Variants in ZFHX4 observed in about 807,000 individuals in gnomAD.
ZFHX4 encodes the protein zinc finger homeobox protein 4.
In ZFHX4, 56 loss-of-function variants were observed where a neutral mutation model predicts 267.6. That is an observed-to-expected ratio of 0.21 (90% CI 0.17 to 0.26). ZFHX4 has a LOEUF of 0.26. Ranked by LOEUF, ZFHX4 falls within the 10% of genes least tolerant of loss-of-function variation. The probability of loss-of-function intolerance (pLI) is 1.00; values close to 1 mark genes in which losing one functional copy is unlikely to be tolerated. For missense variants in ZFHX4, 4,332 were observed against 4,420.0 expected (o/e 0.98, Z 0.56); for synonymous variants, 1,778 against 1,665.6 (o/e 1.07, Z -1.64).
intron 4 of ZFHX4, among the ~76,000 whole-genome samples, chr8:76,798,125 G>C (rs1363872826): frequency 6.6e-6 from 1 of 152,166 alleles, no homozygotes. Flanking sequence ...ATTCAATACA[G>C]AGGAAGGGTA....
intron 1 of ZFHX4, among the ~76,000 whole-genome samples, chr8:76,687,296 C>A (rs1245085949): frequency 1.3e-5 from 2 of 152,146 alleles, no homozygotes; most frequent in African/African-American, 2.4e-5. Flanking sequence ...GCGTTGTTTG[C>A]CTAATCCACC....
chr8:76,822,842 T>G (rs1811689538), intron 4 of ZFHX4, among the ~76,000 whole-genome samples: 2 of 152,302 alleles, frequency 1.3e-5, no homozygotes, highest in East Asian at 3.9e-4. Flanking sequence ...TCGTCCGTAC[T>G]CTATATATTC....
At chr8:76,682,569 C>G (rs1284760008) in intron 1 of ZFHX4, 1 of 152,274 alleles carries the variant, frequency 6.6e-6, no homozygotes, top group African/African-American at 2.4e-5. Context: ...GCGGCGGCTG[C>G]TTGCTCCGAA....
intron 4 of ZFHX4, among the ~76,000 whole-genome samples, chr8:76,798,825 T>TA (rs1811048074): frequency 6.6e-6 from 1 of 152,158 alleles, no homozygotes. Flanking sequence ...CTCTTTTTTT[T>TA]AAATCAAAAT....
At chr8:76,770,208 A>G (rs1810226944) in intron 3 of ZFHX4, among the ~76,000 whole-genome samples, 1 of 152,186 alleles carries the variant, frequency 6.6e-6, no homozygotes, top group African/African-American at 2.4e-5. Flanking sequence ...TCCCACAGGC[A>G]TCTCAAATTC....
chr8:76,838,283 T>A (rs1477634134), intron 5 of ZFHX4, among the ~76,000 whole-genome samples: 3 of 152,154 alleles, frequency 2.0e-5, no homozygotes, highest in Non-Finnish European at 1.5e-5. Flanking sequence ...TTATAACCTT[T>A]CAAGATGGGG....
rs1812706339 is a variant in ZFHX4, at chr8:76,855,803, T to C, written c.8882T>C (p.Met2961Thr). Residue 2961 changes from methionine to threonine, a missense_variant, in exon 10 of 11, where the codon ATG (methionine) becomes ACG (threonine). Met to Thr is a moderately conservative substitution (Grantham distance 81). Coordinates refer to ENST00000651372, the MANE Select transcript of ZFHX4 (RefSeq NM_024721.5). ...YRTPTMQECE[M>T]LGNEIGLPKR... ...ACTCCAACCATGCAAGAATGTGAAA[T>C]GTTAGGGAATGAGATTGGTCTGCCC... 1 of 1,613,798 alleles carries C rather than the reference T, an allele frequency of 6.2e-7. No homozygotes were observed. The highest frequency in any genetic ancestry group is 1.7e-5 in the Admixed American group (1 of 60,010).
At chr8:76,764,150 A>G (rs1809992365) in intron 3 of ZFHX4, among the ~76,000 whole-genome samples, 1 of 152,204 alleles carries the variant, frequency 6.6e-6, no homozygotes, top group Admixed American at 6.5e-5. Flanking sequence ...ACAAAGAACT[A>G]TGAAAATAAT....
chr8:76,774,327 G>A (rs182323737), intron 3 of ZFHX4, among the ~76,000 whole-genome samples: 1 of 152,212 alleles, frequency 6.6e-6, no homozygotes, highest in Non-Finnish European at 1.5e-5. Context: ...GCTTTGCCCA[G>A]GTTTGTGAAT....
intron 6 of ZFHX4, among the ~76,000 whole-genome samples, chr8:76,847,263 A>G (rs1812387281): frequency 6.6e-6 from 1 of 152,150 alleles, no homozygotes. Context: ...TCCAGACTTA[A>G]TTATGACAAG....
At chr8:76,717,852 C>T (rs1266201403) in intron 3 of ZFHX4, among the ~76,000 whole-genome samples, 1 of 152,230 alleles carries the variant, frequency 6.6e-6, no homozygotes, top group Admixed American at 6.5e-5. Flanking sequence ...CCCCCTCAGC[C>T]TCCCACAGTG....
chr8:76,688,358 G>C (rs963256934), intron 1 of ZFHX4, among the ~76,000 whole-genome samples: 9 of 152,132 alleles, frequency 5.9e-5, no homozygotes, highest in Non-Finnish European at 1.2e-4. Flanking sequence ...GCAATGTTAA[G>C]TGTTTTAAGT....
At position 76,840,723 on chromosome 8, in the gene ZFHX4, T is replaced by G. The variant is rs945632617; in HGVS notation, c.3395-1932T>G. 2.0e-5 allele frequency among the ~76,000 whole-genome samples: 3 copies of G among 152,176 alleles called. No individual in the cohort carries two copies. In the East Asian group the frequency reaches 5.8e-4, roughly 29 times the overall value. On this transcript the variant is annotated intron_variant, in intron 5 of 10. Transcript: ENST00000651372. ...CCAGTAAATCTACTCCAAGAATTCC[T>G]GCATCCCTTCCCCGGGATGAGTTGA...
At chr8:76,745,805 G>A (rs374661729) in intron 3 of ZFHX4, among the ~76,000 whole-genome samples, 7 of 152,062 alleles carry the variant, frequency 4.6e-5, no homozygotes, top group African/African-American at 1.4e-4. Flanking sequence ...GAAGCTTTGG[G>A]ATAGCATAAT....
At chr8:76,845,870 A>AT (rs1460810020) in intron 6 of ZFHX4, among the ~76,000 whole-genome samples, 1 of 151,884 alleles carries the variant, frequency 6.6e-6, no homozygotes, top group African/African-American at 2.4e-5. Context: ...ATTAGACTTC[A>AT]TTTTTTAGTT....
At chr8:76,842,268 C>G (rs1217038559) in intron 5 of ZFHX4, among the ~76,000 whole-genome samples, 1 of 152,010 alleles carries the variant, frequency 6.6e-6, no homozygotes, top group African/African-American at 2.4e-5. Flanking sequence ...TTCTAAGAAT[C>G]TGTTTTCTTT....
chr8:76,851,812 C>T lies in ZFHX4; in HGVS notation c.4891C>T (p.His1631Tyr). 6.2e-7 allele frequency: 1 copy of T among 1,613,930 alleles called. No individual in the cohort carries two copies. The highest frequency in any genetic ancestry group is 1.6e-4 in the Middle Eastern group (1 of 6,062). The change falls in exon 10 of 11, where the codon CAT (histidine) becomes TAT (tyrosine). Residue 1631 changes from histidine to tyrosine, a missense_variant. Around this residue, in one of 7 missense-constraint regions of ZFHX4, gnomAD observed 1,371 missense variants for 1,423.1 expected, o/e 0.96. Coordinates refer to ENST00000651372, the MANE Select transcript of ZFHX4 (RefSeq NM_024721.5). ...ARAAKLEPSG[H>Y]VAGGHSIAAN... ...GGCTGCAAAGCTGGAGCCCAGTGGTCATGTGGCTGGTGGGCACAGCATTGC... is the reference window on the plus strand; with the variant it reads ...GGCTGCAAAGCTGGAGCCCAGTGGTTATGTGGCTGGTGGGCACAGCATTGC...
At chr8:76,765,955 A>C (rs1228714294) in intron 3 of ZFHX4, among the ~76,000 whole-genome samples, 1 of 152,138 alleles carries the variant, frequency 6.6e-6, no homozygotes, top group African/African-American at 2.4e-5. Flanking sequence ...TTTCATCTTC[A>C]TCACAGGAGA....
At position 76,758,070 on chromosome 8, in the gene ZFHX4, A is replaced by G. The variant is rs540801539; in HGVS notation, c.3094-20138A>G. On this transcript the variant is annotated intron_variant, in intron 3 of 10. Coordinates refer to ENST00000651372, the MANE Select transcript of ZFHX4 (RefSeq NM_024721.5). ...TATTGAGCTCTTAATATGTGCCAGGAACTGTCTTAAGTCCTGAGGATACCA... is the reference window on the plus strand; with the variant it reads ...TATTGAGCTCTTAATATGTGCCAGGGACTGTCTTAAGTCCTGAGGATACCA... Among the ~76,000 whole-genome samples the G allele has an allele frequency of 5.3e-5, 8 of 152,286 alleles. No individual in the cohort carries two copies. The South Asian group carries it at 1.7e-3, about 32-fold the overall frequency.
Sources: gnomAD v4.1 joint callset for allele counts (sites outside exome capture counted in the v4.1 genomes callset) on GRCh38, gnomAD v4.1.1 for gene constraint, gnomAD v4.1.1 regional missense constraint, MANE v1.5 for transcripts, NCBI Gene and HGNC (gene_info 2026-07-23, HGNC 2026-07-21) for gene names.